Variants in SPIRE1 observed in about 807,000 individuals in gnomAD.
SPIRE1 encodes protein spire homolog 1.
SPIRE1 carries 40 observed loss-of-function variants against 94.1 expected under a neutral mutation model. That is an observed-to-expected ratio of 0.43 (90% confidence interval 0.33 to 0.55). The LOEUF (loss-of-function observed/expected upper bound fraction) is 0.55, where lower values mean the gene tolerates loss of function less well. Among genes scored for constraint, SPIRE1 ranks in the 20% least tolerant of loss-of-function variants. SPIRE1 has a pLI of 0.06. For synonymous variants in SPIRE1, 376 were observed against 371.7 expected, an observed-to-expected ratio of 1.01 and a Z score of -0.13; for missense variants, 838 against 975.2, an observed-to-expected ratio of 0.86 and a Z score of 1.87.
rs2035624863 is a variant in SPIRE1, at chr18:12,559,529, G to T, written c.373-12625C>A. Among the ~76,000 whole-genome samples, 1 of 152,188 alleles carries T rather than the reference G, an allele frequency of 6.6e-6. No homozygotes were observed. Among genetic ancestry groups the T allele is most frequent in the Admixed American group, 6.5e-5 (1 of 15,278 alleles). On this transcript the variant is annotated intron_variant, in intron 2 of 16. Transcript: ENST00000409402. This position sits in a 1 kb window ranked among gnomAD's most constrained non-coding sequence, Gnocchi z 4.7. ...CCGGCTTTGGCCAGCCCAGAGAGGG[G>T]CTCCCACGGTGCAGCAGCAGGCTGA...
chr18:12,491,278 C>A (rs564695982), intron 8 of SPIRE1, among the ~76,000 whole-genome samples: 1 of 124,314 alleles, frequency 8.0e-6, no homozygotes, highest in African/African-American at 4.6e-5. Context: ...GTATTTTTTA[C>A]AGAAGTAGAA....
intron 4 of SPIRE1, among the ~76,000 whole-genome samples, chr18:12,521,993 T>G (rs759874061): frequency 6.6e-6 from 1 of 152,166 alleles, no homozygotes; most frequent in African/African-American, 2.4e-5. Context: ...ATTAGGCCAA[T>G]TAATAACCCC....
chr18:12,622,421 C>CTCT lies in SPIRE1; in HGVS notation c.372+12640_372+12641insAGA, dbSNP rs1555633384. On this transcript the variant is annotated intron_variant, in intron 2 of 16. Transcript: ENST00000409402. ...AAGGGAAAACGGAGCTATGTCCAGT[C>CTCT]TTTTTTTTTTTTTTTTTTTGAGACA... Among the ~76,000 whole-genome samples, 335 of 114,850 alleles carry CTCT rather than the reference C, an allele frequency of 2.9e-3. 4 individuals are homozygous for CTCT. Among genetic ancestry groups the CTCT allele is most frequent in the African/African-American group, 1.0e-2 (322 of 32,218 alleles). 75.3% of individuals were successfully genotyped at this position (114,850 alleles called of 152,430 possible). A position where few individuals can be genotyped will look rare whatever the true frequency, so the allele number is the denominator to read the frequency against.
chr18:12,460,926 G>A (rs973313365), intron 12 of SPIRE1, among the ~76,000 whole-genome samples: 4 of 152,206 alleles, frequency 2.6e-5, no homozygotes, highest in Non-Finnish European at 2.9e-5. Flanking sequence ...AGATCATTTC[G>A]TCTCTGCTGG....
intron 5 of SPIRE1, among the ~76,000 whole-genome samples, chr18:12,509,847 C>T (rs1389236335): frequency 1.3e-5 from 2 of 152,056 alleles, no homozygotes; most frequent in South Asian, 2.1e-4. Flanking sequence ...CTTTGGGAGG[C>T]CAAGGCGGGC....
At chr18:12,592,834 T>G (rs766940111) in intron 2 of SPIRE1, among the ~76,000 whole-genome samples, 1 of 152,226 alleles carries the variant, frequency 6.6e-6, no homozygotes, top group African/African-American at 2.4e-5. Flanking sequence ...GATAATTAAC[T>G]TCTATCTCCT....
chr18:12,570,163 A>C (rs139999582), intron 2 of SPIRE1, among the ~76,000 whole-genome samples: 3 of 152,162 alleles, frequency 2.0e-5, no homozygotes, highest in Non-Finnish European at 4.4e-5. Context: ...TGACTTCCTA[A>C]AAGTATTGGA....
intron 12 of SPIRE1, among the ~76,000 whole-genome samples, chr18:12,458,654 C>G (rs1205272241): frequency 6.6e-6 from 1 of 152,046 alleles, no homozygotes; most frequent in African/African-American, 2.4e-5. Flanking sequence ...AAAGTGAATC[C>G]TTTCTTTGCC....
At chr18:12,554,296 CAA>C (rs35637714) in intron 2 of SPIRE1, among the ~76,000 whole-genome samples, 7 of 56,370 alleles carry the variant, frequency 1.2e-4, no homozygotes, top group African/African-American at 3.6e-4. Flanking sequence ...AGACTCTGTT[CAA>C]AAAAAAAAAA....
chr18:12,635,088 C>A lies in SPIRE1; in HGVS notation c.346G>T (p.Gly116Ter). The stretch of plus-strand genomic sequence containing the variant: ...TCTGTTTCCATACATTGTGAATATC[C>A]CAATTTACCTGTAATAAAAATGAAA... ...GEPPPVAGKL[G>*]YSQCMETEVI... Residue 116 changes from glycine to a stop codon, truncating the protein, a stop_gained, in exon 2 of 17, where the codon GGA becomes TGA. Transcript: ENST00000409402. LOFTEE classifies it high-confidence loss of function. 1 of 1,415,122 alleles carries A rather than the reference C, an allele frequency of 7.1e-7. No homozygotes were observed. The allele number at this position is 1,415,122 out of a possible 1,614,324, so 87.7% of individuals were successfully genotyped here.
intron 2 of SPIRE1, among the ~76,000 whole-genome samples, chr18:12,581,919 GACA>G (rs2036267899): frequency 6.6e-6 from 1 of 151,810 alleles, no homozygotes; most frequent in Non-Finnish European, 1.5e-5. Flanking sequence ...TCAGAACACA[GACA>G]ACAAGAAACT....
chr18:12,610,479 T>C (rs963289934), intron 2 of SPIRE1, among the ~76,000 whole-genome samples: 1 of 152,160 alleles, frequency 6.6e-6, no homozygotes, highest in Non-Finnish European at 1.5e-5. Flanking sequence ...CAGGTTAAAT[T>C]CTAAGATCAA....
chr18:12,458,715 G>C (rs2031645028), intron 12 of SPIRE1, among the ~76,000 whole-genome samples: 1 of 152,140 alleles, frequency 6.6e-6, no homozygotes, highest in Non-Finnish European at 1.5e-5. Context: ...GGGGAGAATT[G>C]ATAATCAAAT....
intron 2 of SPIRE1, among the ~76,000 whole-genome samples, chr18:12,576,788 T>C (rs1454999194): frequency 2.0e-5 from 3 of 147,432 alleles, no homozygotes; most frequent in South Asian, 2.2e-4. Flanking sequence ...ACTTGGGAGG[T>C]TGAGGCAGAA....
intron 4 of SPIRE1, among the ~76,000 whole-genome samples, chr18:12,518,957 T>G (rs954215790): frequency 6.6e-5 from 10 of 152,206 alleles, no homozygotes; most frequent in African/African-American, 2.4e-4. Flanking sequence ...TAAAAAGTTA[T>G]AGCAGTTGTT....
At chr18:12,545,230 T>G (rs979818762) in intron 3 of SPIRE1, among the ~76,000 whole-genome samples, 1 of 151,492 alleles carries the variant, frequency 6.6e-6, no homozygotes, top group Non-Finnish European at 1.5e-5. Flanking sequence ...AATTTCTATT[T>G]GTTTGTGTAT....
chr18:12,503,256 TTC>T (rs1439396981), intron 6 of SPIRE1, among the ~76,000 whole-genome samples: 2 of 152,184 alleles, frequency 1.3e-5, no homozygotes, highest in Non-Finnish European at 2.9e-5. Context: ...AAAATCTGGT[TTC>T]TCTCTTTTAC....
At chr18:12,549,682 C>T (rs2035291103) in intron 2 of SPIRE1, among the ~76,000 whole-genome samples, 1 of 151,692 alleles carries the variant, frequency 6.6e-6, no homozygotes, top group Non-Finnish European at 1.5e-5. Flanking sequence ...ATCTCCTGAC[C>T]TCGTGATCCG....
chr18:12,498,995 C>T (rs113660076), intron 6 of SPIRE1, among the ~76,000 whole-genome samples: 5,122 of 152,258 alleles, frequency 0.034, 114 homozygotes, highest in South Asian at 0.092. Context: ...AACTCCTGGG[C>T]TCAAGCAATC....
Sources: allele counts gnomAD v4.1 joint callset (sites outside exome capture counted in the v4.1 genomes callset), GRCh38; gene constraint gnomAD v4.1.1; non-coding constraint Gnocchi (gnomAD v3.1); transcripts MANE v1.5; gene names NCBI Gene and HGNC (gene_info 2026-07-23, HGNC 2026-07-21).